Variants in GABRB3 observed in about 807,000 individuals in gnomAD.
The protein encoded by GABRB3 is gamma-aminobutyric acid type A receptor subunit beta3.
A neutral mutation model predicts 52.1 loss-of-function variants in GABRB3; 14 were observed. The observed-to-expected ratio is 0.27, with a 90% CI of 0.18 to 0.42. The LOEUF is 0.42. GABRB3 is among the 10% of genes least tolerant of loss of function. The pLI, the probability that GABRB3 is intolerant of heterozygous loss-of-function variation, is 1.00. For synonymous variants in GABRB3, 260 were observed against 232.3 expected, an observed-to-expected ratio of 1.12 and a Z score of -1.08; for missense variants, 307 against 609.1, an observed-to-expected ratio of 0.50 and a Z score of 5.22.
At chr15:26,584,802 A>G (rs1277429795) in intron 4 of GABRB3, among the ~76,000 whole-genome samples, 3 of 152,148 alleles carry the variant, frequency 2.0e-5, no homozygotes, top group Non-Finnish European at 2.9e-5. Context: ...CTAGAACCCC[A>G]CCCTTTCCCC....
At chr15:26,711,337 C>T (rs1038477625) in intron 3 of GABRB3, among the ~76,000 whole-genome samples, 1 of 152,284 alleles carries the variant, frequency 6.6e-6, no homozygotes, top group African/African-American at 2.4e-5. Context: ...CGGGTAGACA[C>T]CACCACATAA....
intron 4 of GABRB3, among the ~76,000 whole-genome samples, chr15:26,606,375 C>T (rs1181627396): frequency 3.3e-5 from 5 of 152,036 alleles, no homozygotes; most frequent in Non-Finnish European, 7.4e-5. Flanking sequence ...TTATTATGTA[C>T]TGCATGCCGG....
chr15:26,761,661 C>T lies in GABRB3; in HGVS notation c.240+10741G>A, dbSNP rs1890826121. On this transcript the variant is annotated intron_variant, in intron 3 of 8. Transcript: ENST00000311550. ...AGTGGGATGCAGTGTCTGAGCACTG[C>T]CTGTTTCCTCTGCTGCCACAGCCCC... is the stretch of plus-strand genomic sequence containing the variant. Among the ~76,000 whole-genome samples, 2 of 152,050 alleles carry T rather than the reference C, an allele frequency of 1.3e-5. 1 individual carries two copies. Among genetic ancestry groups the T allele is most frequent in the South Asian group, 4.1e-4 (2 of 4,828 alleles).
chr15:26,645,884 C>T (rs1252068455), intron 3 of GABRB3, among the ~76,000 whole-genome samples: 2 of 151,818 alleles, frequency 1.3e-5, no homozygotes, highest in Non-Finnish European at 2.9e-5. Context: ...CTCAGCCTCC[C>T]AATGGTCTTT....
At chr15:26,698,196 G>C (rs1261939052) in intron 3 of GABRB3, among the ~76,000 whole-genome samples, 1 of 152,204 alleles carries the variant, frequency 6.6e-6, no homozygotes, top group East Asian at 1.9e-4. Context: ...CAGATGGATT[G>C]ACATGAATAA....
rs997309633 is a variant in GABRB3 at position 26,544,047 on chromosome 15, G to A, written c.*3746C>T. The A allele has an allele frequency of 6.6e-6, 1 of 152,502 alleles. No homozygotes were observed. Among genetic ancestry groups the A allele is most frequent in the Non-Finnish European group, 1.5e-5 (1 of 68,032 alleles). 9.4% of individuals were successfully genotyped at this position (152,502 alleles called of 1,614,324 possible). A position where few individuals can be genotyped will look rare whatever the true frequency, so the allele number is the denominator to read the frequency against. On this transcript the variant is annotated 3_prime_UTR_variant, in exon 9 of 9. Transcript: ENST00000311550. ...CCCCAAGATTCGATGTTACTCTAAT[G>A]GCTCACACTGACAGCCAGAGTCAAT...
At chr15:26,632,518 A>G (rs576450847) in intron 3 of GABRB3, among the ~76,000 whole-genome samples, 2 of 152,346 alleles carry the variant, frequency 1.3e-5, no homozygotes, top group South Asian at 4.1e-4. Context: ...AGTAAGTTTG[A>G]AAAGCAAAAT....
intron 3 of GABRB3, among the ~76,000 whole-genome samples, chr15:26,675,309 G>T (rs1012436680): frequency 6.6e-6 from 1 of 152,222 alleles, no homozygotes; most frequent in African/African-American, 2.4e-5. Context: ...TGGCTCAAAA[G>T]AGGGAGCTCC....
At chr15:26,625,223 G>A (rs1282900335) in intron 3 of GABRB3, among the ~76,000 whole-genome samples, 1 of 151,952 alleles carries the variant, frequency 6.6e-6, no homozygotes, top group Non-Finnish European at 1.5e-5. Context: ...GCAGGGTGGG[G>A]CTTTGAAAGG....
intron 3 of GABRB3, among the ~76,000 whole-genome samples, chr15:26,764,222 A>G (rs1890930929): frequency 9.4e-6 from 1 of 106,070 alleles, no homozygotes; most frequent in Admixed American, 1.1e-4. Context: ...ATATATATAT[A>G]TATATATATA....
chr15:26,623,461 A>C (rs1009188009), intron 3 of GABRB3, among the ~76,000 whole-genome samples: 1 of 151,698 alleles, frequency 6.6e-6, no homozygotes, highest in African/African-American at 2.4e-5. Flanking sequence ...ATTCCGAGAG[A>C]CGGCTAGCAA....
chr15:26,640,725 A>G (rs1410595775), intron 3 of GABRB3, among the ~76,000 whole-genome samples: 1 of 152,228 alleles, frequency 6.6e-6, no homozygotes, highest in Non-Finnish European at 1.5e-5. Flanking sequence ...TATGTTTCTC[A>G]TTCCTTTGCA....
At chr15:26,674,081 A>G (rs1204633363) in intron 3 of GABRB3, among the ~76,000 whole-genome samples, 1 of 145,364 alleles carries the variant, frequency 6.9e-6, no homozygotes, top group Non-Finnish European at 1.5e-5. Flanking sequence ...TTTTTTTAGT[A>G]TTTCCTGAGA....
At chr15:26,572,027 A>T (rs1890420723) in intron 6 of GABRB3, among the ~76,000 whole-genome samples, 1 of 149,420 alleles carries the variant, frequency 6.7e-6, no homozygotes, top group Non-Finnish European at 1.5e-5. Context: ...GCCTGGCGAC[A>T]GAGCGAGACT....
At chr15:26,667,009 C>G (rs1887735396) in intron 3 of GABRB3, among the ~76,000 whole-genome samples, 1 of 139,398 alleles carries the variant, frequency 7.2e-6, no homozygotes, top group Non-Finnish European at 1.6e-5. Context: ...TGGTGCCCAC[C>G]CCCGTGCACA....
intron 3 of GABRB3, among the ~76,000 whole-genome samples, chr15:26,688,309 C>G (rs1566806376): frequency 6.6e-6 from 1 of 152,168 alleles, no homozygotes. Context: ...CTGGAATTAC[C>G]AGAGGGTGCC....
intron 4 of GABRB3, among the ~76,000 whole-genome samples, chr15:26,617,413 C>A (rs1432260644): frequency 2.0e-5 from 3 of 151,650 alleles, no homozygotes; most frequent in South Asian, 2.1e-4. Context: ...AAGAAAAAAA[C>A]CACATGATTA....
At chr15:26,753,269 G>A (rs962117219) in intron 3 of GABRB3, among the ~76,000 whole-genome samples, 36 of 152,272 alleles carry the variant, frequency 2.4e-4, no homozygotes, top group African/African-American at 7.5e-4. Flanking sequence ...GAGCCGTGAG[G>A]GCTACCTACG....
chr15:26,686,113 T>C (rs535756270), intron 3 of GABRB3, among the ~76,000 whole-genome samples: 52 of 152,142 alleles, frequency 3.4e-4, no homozygotes, highest in African/African-American at 1.1e-3. Context: ...TGACTAATTT[T>C]TTTATTTTTT....
Sources: gnomAD v4.1 joint callset for allele counts (sites outside exome capture counted in the v4.1 genomes callset) on GRCh38, gnomAD v4.1.1 for gene constraint, MANE v1.5 for transcripts, NCBI Gene and HGNC (gene_info 2026-07-23, HGNC 2026-07-21) for gene names.